The following ITPR2 variants were observed in gnomAD, a reference collection of about 807,000 sequenced individuals.
ITPR2 encodes the protein inositol 1,4,5-trisphosphate receptor type 2.
A neutral mutation model predicts 317.1 loss-of-function variants in ITPR2; 207 were observed. The ratio of observed to expected loss-of-function variants is 0.65; its 90% CI spans 0.58 to 0.73. ITPR2 has a LOEUF of 0.73. ITPR2 is among the 30% of genes least tolerant of loss of function. ITPR2 has a pLI of 0.00. For missense variants in ITPR2, 2,613 were observed against 3,284.0 expected, an observed-to-expected ratio of 0.80 and a Z score of 4.99; for synonymous variants, 1,156 against 1,149.1, an observed-to-expected ratio of 1.01 and a Z score of -0.12.
intron 9 of ITPR2, among the ~76,000 whole-genome samples, chr12:26,699,158 C>T (rs958695095): frequency 6.6e-6 from 1 of 151,944 alleles, no homozygotes; most frequent in Non-Finnish European, 1.5e-5. Context: ...ATGCTGGAAA[C>T]CATGACATAT....
intron 37 of ITPR2, among the ~76,000 whole-genome samples, chr12:26,548,330 T>A (rs1372415925): frequency 6.6e-6 from 1 of 152,090 alleles, no homozygotes; most frequent in Non-Finnish European, 1.5e-5. Context: ...TAACACAGAT[T>A]TCCGGAGGCT....
chr12:26,737,079 A>C (rs1190541351), intron 2 of ITPR2, among the ~76,000 whole-genome samples: 1 of 152,132 alleles, frequency 6.6e-6, no homozygotes, highest in Non-Finnish European at 1.5e-5. Flanking sequence ...AGTTCCATGC[A>C]AGGGGAAACT....
chr12:26,606,880 G>A (rs1345419631), intron 26 of ITPR2, among the ~76,000 whole-genome samples: 5 of 152,160 alleles, frequency 3.3e-5, no homozygotes, highest in Non-Finnish European at 7.3e-5. Context: ...AGGCTGTAGT[G>A]AGCTATGATT....
chr12:26,550,474 G>A, intron 36 of ITPR2, 119 bp from the exon 37 acceptor site: 1 of 597,784 alleles, frequency 1.7e-6, no homozygotes, highest in Non-Finnish European at 2.9e-6. Context: ...AAGCAAACCA[G>A]GTACATGTTT....
At chr12:26,526,209 G>GA (rs1189126528) in intron 37 of ITPR2, among the ~76,000 whole-genome samples, 13 of 152,182 alleles carry the variant, frequency 8.5e-5, no homozygotes, top group Middle Eastern at 6.8e-3. Flanking sequence ...AATTTGCTAT[G>GA]AAAAAAATGA....
chr12:26,762,440 G>A (rs1227799251), intron 2 of ITPR2, among the ~76,000 whole-genome samples: 2 of 152,170 alleles, frequency 1.3e-5, no homozygotes, highest in African/African-American at 2.4e-5. Context: ...CATATTCAAA[G>A]TGGTGAAAGA....
intron 5 of ITPR2, chr12:26,721,327 TC>T: frequency 1.6e-6 from 1 of 615,592 alleles, no homozygotes; most frequent in South Asian, 2.0e-5. Flanking sequence ...CCAAATTAAA[TC>T]CAGAAGCTTG....
At chr12:26,564,793 TG>T (rs1454091170) in intron 34 of ITPR2, among the ~76,000 whole-genome samples, 1 of 152,232 alleles carries the variant, frequency 6.6e-6, no homozygotes, top group Non-Finnish European at 1.5e-5. Context: ...AGAGAGAGCA[TG>T]GTACTGATGA....
intron 2 of ITPR2, among the ~76,000 whole-genome samples, chr12:26,762,179 A>G (rs900953348): frequency 6.6e-6 from 1 of 152,224 alleles, no homozygotes; most frequent in African/African-American, 2.4e-5. Context: ...ACAGTTATTT[A>G]AAGAAATAAT....
In ITPR2 at chr12:26,794,316, T is replaced by C. The variant is rs377426760; in HGVS notation, c.93-4089A>G. The stretch of plus-strand genomic sequence containing the variant: ...GTTTATGCATTAAATTCAAGTCCAC[T>C]GATACTTTGTCAAAAATAAAGTATA... On this transcript the variant is annotated intron_variant, in intron 1 of 56. Transcript: ENST00000381340. 3.3e-5 allele frequency among the ~76,000 whole-genome samples: 5 copies of C among 152,214 alleles called. No individual in the cohort carries two copies. In the East Asian group the frequency reaches 5.8e-4, roughly 18 times the overall value.
rs562553096 is a variant in ITPR2 at position 26,784,826 on chromosome 12, C to T, written c.163+5331G>A. ...CCATCGTCTGGGATACGGGGAGCCT[C>T]TCTGCCTGGCTGCCCAGTCTGGAAG... On this transcript the variant is annotated intron_variant, in intron 2 of 56. Coordinates refer to ENST00000381340, the MANE Select transcript of ITPR2 (RefSeq NM_002223.4). Among the ~76,000 whole-genome samples the T allele has an allele frequency of 7.0e-3, 1,013 of 145,018 alleles. 15 individuals carry two copies. Among genetic ancestry groups the T allele is most frequent in the African/African-American group, 0.024 (943 of 40,124 alleles).
At chr12:26,390,286 T>C (rs542546000) in intron 54 of ITPR2, among the ~76,000 whole-genome samples, 46 of 152,330 alleles carry the variant, frequency 3.0e-4, no homozygotes, top group African/African-American at 9.6e-4. Context: ...ACTGAAAATG[T>C]ATGTTCACAT....
chr12:26,692,081 A>G (rs985827116), intron 10 of ITPR2, among the ~76,000 whole-genome samples: 3 of 152,142 alleles, frequency 2.0e-5, no homozygotes, highest in African/African-American at 7.2e-5. Flanking sequence ...TCTGGTACTC[A>G]GGAAAATTTG....
At chr12:26,391,563 T>C (rs1490929418) in intron 54 of ITPR2, among the ~76,000 whole-genome samples, 5 of 126,198 alleles carry the variant, frequency 4.0e-5, no homozygotes, top group African/African-American at 1.6e-4. Context: ...TTCCTTTTTT[T>C]TTTTTTTTTT....
chr12:26,494,183 G>A lies in ITPR2; in HGVS notation c.5340C>T (p.Ala1780=), dbSNP rs200894700. 8 of 1,612,908 alleles carry A rather than the reference G, an allele frequency of 5.0e-6. No individual in the cohort carries two copies. Among genetic ancestry groups the A allele is most frequent in the African/African-American group, 1.3e-5 (1 of 74,906 alleles). ...IFSEGIFLGI[A]LLEGGNTQTQ... ...TTTGTGTATTTCCTCCTTCAAGCAAGGCAATGCCGAGGAAAATGCCTTCTG... is the reference window on the plus strand; with the variant it reads ...TTTGTGTATTTCCTCCTTCAAGCAAAGCAATGCCGAGGAAAATGCCTTCTG... Residue 1780 remains alanine, a synonymous_variant, in exon 39 of 57, where the codon GCC becomes GCT. Coordinates refer to ENST00000381340, the MANE Select transcript of ITPR2 (RefSeq NM_002223.4).
At chr12:26,638,009 T>C (rs1256447746) in intron 21 of ITPR2, among the ~76,000 whole-genome samples, 1 of 152,140 alleles carries the variant, frequency 6.6e-6, no homozygotes, top group Non-Finnish European at 1.5e-5. Context: ...ACCAAAAGCA[T>C]GTAACCAAAG....
chr12:26,591,079 C>CAAAAA lies in ITPR2; in HGVS notation c.4380+4381_4380+4385dup, dbSNP rs34387951. Among the ~76,000 whole-genome samples, 124 of 43,384 alleles carry CAAAAA rather than the reference C, an allele frequency of 2.9e-3. 2 individuals carry two copies. Among genetic ancestry groups the CAAAAA allele is most frequent in the Non-Finnish European group, 3.9e-3 (97 of 24,966 alleles). 28.5% of individuals were successfully genotyped at this position (43,384 alleles called of 152,430 possible). ...TGGGTGACAGAGTGAGACTCCATCTCAAAAAAAAAAAAAAAAAAAAAAAGC... is the reference window on the plus strand; with the variant it reads ...TGGGTGACAGAGTGAGACTCCATCTCAAAAAAAAAAAAAAAAAAAAAAAAAAAAGC... On this transcript the variant is annotated intron_variant, in intron 32 of 56. Coordinates refer to ENST00000381340, the MANE Select transcript of ITPR2 (RefSeq NM_002223.4).
chr12:26,527,174 A>G (rs1053940428), intron 37 of ITPR2, among the ~76,000 whole-genome samples: 2 of 152,192 alleles, frequency 1.3e-5, no homozygotes, highest in Non-Finnish European at 2.9e-5. Context: ...TGCTCATGTA[A>G]TCCACTTAGC....
chr12:26,443,924 C>T (rs940413445), intron 45 of ITPR2, among the ~76,000 whole-genome samples: 11 of 152,130 alleles, frequency 7.2e-5, no homozygotes, highest in Non-Finnish European at 1.5e-4. Flanking sequence ...ATAATTGACA[C>T]TGTCTATAGT....
Sources: allele counts gnomAD v4.1 joint callset (sites outside exome capture counted in the v4.1 genomes callset), GRCh38; gene constraint gnomAD v4.1.1; transcripts MANE v1.5; gene names NCBI Gene and HGNC (gene_info 2026-07-23, HGNC 2026-07-21).